MYT1L: variants seen among roughly 807,000 people sequenced by gnomAD.
MYT1L encodes the protein myelin transcription factor 1-like protein.
In MYT1L, 12 loss-of-function variants were observed where a neutral mutation model predicts 126.7. That is an observed-to-expected ratio of 0.09 (90% confidence interval 0.06 to 0.15). The LOEUF (loss-of-function observed/expected upper bound fraction) is 0.15. MYT1L is among the 10% of genes least tolerant of loss of function. MYT1L has a pLI of 1.00. For synonymous variants in MYT1L, 541 were observed against 604.2 expected, an observed-to-expected ratio of 0.90 and a Z score of 1.53; for missense variants, 979 against 1,585.2, an observed-to-expected ratio of 0.62 and a Z score of 6.49.
At chr2:2,005,036 AGGCG>A (rs2063065693) in intron 4 of MYT1L, among the ~76,000 whole-genome samples, 2 of 138,712 alleles carry the variant, frequency 1.4e-5, no homozygotes, top group African/African-American at 5.5e-5. Flanking sequence ...TCTTTCCTGC[AGGCG>A]TTCTTTCCTG....
rs186925538 is a variant in MYT1L, at chr2:1,915,903, G to T, written c.1618+1302C>A. On this transcript the variant is annotated intron_variant, in intron 11 of 24. Transcript: ENST00000647738. ...TCCTCATCCGAATGAAAGGGGGGGTGTTGCCCTGCAGTGTCGATTGCGGGT... is the reference window on the plus strand; with the variant it reads ...TCCTCATCCGAATGAAAGGGGGGGTTTTGCCCTGCAGTGTCGATTGCGGGT... Among the ~76,000 whole-genome samples, 1,329 of 152,292 alleles carry T rather than the reference G, an allele frequency of 8.7e-3. 10 individuals carry two copies. Among genetic ancestry groups the T allele is most frequent in the Non-Finnish European group, 0.015 (990 of 68,028 alleles).
intron 2 of MYT1L, among the ~76,000 whole-genome samples, chr2:2,183,014 C>T (rs72769213): frequency 0.044 from 6,720 of 152,192 alleles, 224 homozygotes; most frequent in Non-Finnish European, 0.068. Flanking sequence ...GGAGGTTTTC[C>T]GAGGAGCAGC....
chr2:1,823,101 T>C (rs140784926), intron 21 of MYT1L, among the ~76,000 whole-genome samples: 256 of 152,252 alleles, frequency 1.7e-3, no homozygotes, highest in African/African-American at 5.6e-3. Flanking sequence ...AAATGTGAGC[T>C]TTTGCCCTAA....
chr2:2,257,149 C>G (rs989828035), intron 2 of MYT1L, among the ~76,000 whole-genome samples: 1 of 152,124 alleles, frequency 6.6e-6, no homozygotes, highest in Non-Finnish European at 1.5e-5. Flanking sequence ...TGTGGCTGAT[C>G]AGGGCACCCC....
At position 1,892,124 on chromosome 2, in the gene MYT1L, C is replaced by T. The variant is rs375226860; in HGVS notation, c.2196G>A (p.Ala732=). The T allele has an allele frequency of 1.2e-5, 18 of 1,546,888 alleles. No homozygotes were observed. In the African/African-American group the frequency reaches 1.6e-4, roughly 14 times the overall value. ...TGGACAGGTTGAGGATGGCGGTGGC[C>T]GCCATGTGGGCCGCCTCCATGTCGT... is the stretch of plus-strand genomic sequence containing the variant. ...YTHDMEAAHM[A]ATAILNLSTR... Residue 732 remains alanine (A), a synonymous_variant, in exon 15 of 25, where the codon GCG becomes GCA. Transcript: ENST00000647738.
Position 1,959,299 on chromosome 2 carries a change from G to A in MYT1L, c.153-15965C>T, listed in dbSNP as rs1212053760. On this transcript the variant is annotated intron_variant, in intron 8 of 24. Transcript: ENST00000647738. ...GCCAGGAACGAACATCTGCTCCTTC[G>A]GAGAAGACCAAACTCAGACCGTCTG... 2.6e-5 allele frequency among the ~76,000 whole-genome samples: 4 copies of A among 152,238 alleles called. No individual in the cohort carries two copies. The East Asian group carries it at 5.8e-4, about 22-fold the overall frequency.
Position 1,877,694 on chromosome 2 carries a change from C to T in MYT1L, c.2711+8845G>A, listed in dbSNP as rs188497992. 1.7e-4 allele frequency among the ~76,000 whole-genome samples: 26 copies of T among 152,146 alleles called. No individual in the cohort carries two copies. The South Asian group carries it at 2.1e-3, about 12-fold the overall frequency. Reference sequence around the variant, plus strand: ...TGCTGGGACAGGCAGGGGTTCCGGGCGCGGCCATGGCTGTGAGCAGTTCTG... The same window carrying T: ...TGCTGGGACAGGCAGGGGTTCCGGGTGCGGCCATGGCTGTGAGCAGTTCTG... On this transcript the variant is annotated intron_variant, in intron 18 of 24. Transcript: ENST00000647738.
rs189899665 is a variant in MYT1L at position 2,177,602 on chromosome 2, A to G, written c.-420-4614T>C. On this transcript the variant is annotated intron_variant, in intron 2 of 24. Coordinates refer to ENST00000647738, the MANE Select transcript of MYT1L (RefSeq NM_001303052.2). ...GACTCACAGCTCCACATGGCTGGGA[A>G]GGCCTCAGGAAACTTACAATCATGG... Among the ~76,000 whole-genome samples, 3 of 152,346 alleles carry G rather than the reference A, an allele frequency of 2.0e-5. No individual in the cohort carries two copies. The East Asian group carries it at 5.8e-4, about 29-fold the overall frequency.
At chr2:2,246,341 T>C (rs2094535266) in intron 2 of MYT1L, among the ~76,000 whole-genome samples, 1 of 152,208 alleles carries the variant, frequency 6.6e-6, no homozygotes, top group Non-Finnish European at 1.5e-5. Flanking sequence ...ATCTTGCATA[T>C]TTATGCTTCA....
intron 2 of MYT1L, among the ~76,000 whole-genome samples, chr2:2,175,554 A>G (rs1425554895): frequency 6.6e-6 from 1 of 152,048 alleles, no homozygotes; most frequent in Non-Finnish European, 1.5e-5. Flanking sequence ...CAAGAACCAG[A>G]CAAATGCCTG....
At chr2:1,991,379 C>T (rs1249399295) in intron 5 of MYT1L, among the ~76,000 whole-genome samples, 1 of 152,134 alleles carries the variant, frequency 6.6e-6, no homozygotes, top group Admixed American at 6.5e-5. Flanking sequence ...TCGCCGCAGC[C>T]TTGGACCTCC....
intron 3 of MYT1L, among the ~76,000 whole-genome samples, chr2:2,085,164 C>T (rs988024828): frequency 9.2e-5 from 14 of 152,152 alleles, no homozygotes; most frequent in Admixed American, 4.6e-4. Flanking sequence ...TCTCCAAGAG[C>T]GCATTTTTAA....
At chr2:1,952,846 G>C (rs1573924434) in intron 8 of MYT1L, among the ~76,000 whole-genome samples, 3 of 46,400 alleles carry the variant, frequency 6.5e-5, no homozygotes, top group African/African-American at 2.0e-4. Flanking sequence ...CCTTACCTTT[G>C]CCTTCCCTTA....
rs370318340 is a variant in MYT1L, at chr2:2,293,987, C to T, written c.-520-9484G>A. ...GCACGGGGGGCAGGACAGGGCCCCC[C>T]GCTTTCAGTGGAATTGGATGGTCTT... On this transcript the variant is annotated intron_variant, in intron 1 of 24. Transcript: ENST00000647738. 4.6e-4 allele frequency among the ~76,000 whole-genome samples: 70 copies of T among 152,204 alleles called. 1 individual carries two copies. In the South Asian group the frequency reaches 0.011, roughly 23 times the overall value.
intron 2 of MYT1L, among the ~76,000 whole-genome samples, chr2:2,249,926 A>G (rs978410906): frequency 6.6e-6 from 1 of 152,184 alleles, no homozygotes; most frequent in African/African-American, 2.4e-5. Flanking sequence ...AAAGGTGTTC[A>G]ACATTACTGA....
intron 4 of MYT1L, among the ~76,000 whole-genome samples, chr2:2,024,281 A>T (rs1273418229): frequency 6.6e-6 from 1 of 152,196 alleles, no homozygotes; most frequent in Admixed American, 6.5e-5. Context: ...TTATTCTTAC[A>T]ATTACTATGT....
In MYT1L at chr2:1,791,477, T is replaced by C; in HGVS notation, c.*390A>G. The C allele has an allele frequency of 3.0e-6, 1 of 335,890 alleles. No individual in the cohort carries two copies. The highest frequency in any genetic ancestry group is 5.8e-6 in the Non-Finnish European group (1 of 172,392). The allele number at this position is 335,890 out of a possible 1,614,324, so 20.8% of individuals were successfully genotyped here. A position where few individuals can be genotyped will look rare whatever the true frequency, so the allele number is the denominator to read the frequency against. The stretch of plus-strand genomic sequence containing the variant: ...TCAAAGCTGTGGGTCTGTGTGTGCG[T>C]GTGTGTGTTTGTGTGTCCATTTCAG... On this transcript the variant is annotated 3_prime_UTR_variant, in exon 25 of 25. Coordinates refer to ENST00000647738, the MANE Select transcript of MYT1L (RefSeq NM_001303052.2). The surrounding 1 kb of genome is among the most constrained non-coding windows in gnomAD (Gnocchi z 6.0).
intron 2 of MYT1L, among the ~76,000 whole-genome samples, chr2:2,190,029 G>C (rs1286924746): frequency 6.6e-6 from 1 of 152,186 alleles, no homozygotes; most frequent in African/African-American, 2.4e-5. Context: ...CTGAGAGGAA[G>C]CCCAGGTAAC....
intron 2 of MYT1L, among the ~76,000 whole-genome samples, chr2:2,177,775 C>T (rs2090983660): frequency 6.6e-6 from 1 of 152,158 alleles, no homozygotes; most frequent in Non-Finnish European, 1.5e-5. Context: ...TAAACCACCC[C>T]CACGATCCAA....
Sources: gnomAD v4.1 joint callset for allele counts (sites outside exome capture counted in the v4.1 genomes callset) on GRCh38, gnomAD v4.1.1 for gene constraint, Gnocchi (gnomAD v3.1) non-coding constraint, MANE v1.5 for transcripts, NCBI Gene and HGNC (gene_info 2026-07-23, HGNC 2026-07-21) for gene names.